Variants in PLEC observed in about 807,000 individuals in gnomAD.
The protein encoded by PLEC is hemidesmosomal protein 1.
Under a neutral mutation model 392.8 loss-of-function variants are expected in PLEC, and 216 were observed. The observed-to-expected ratio is 0.55, with a 90% CI of 0.49 to 0.62. The LOEUF (loss-of-function observed/expected upper bound fraction) is 0.62, where lower values mean the gene tolerates loss of function less well. Ranked by LOEUF, PLEC falls within the 20% of genes least tolerant of loss-of-function variation. The pLI is 0.00. For missense variants in PLEC, 6,863 were observed against 6,563.4 expected, an observed-to-expected ratio of 1.05 and a Z score of -1.58; for synonymous variants, 3,621 against 2,980.6, an observed-to-expected ratio of 1.21 and a Z score of -7.00.
intron 30 of PLEC, 63 bp from the exon 31 acceptor site, chr8:143,925,947 G>T: frequency 1.3e-6 from 2 of 1,483,442 alleles, no homozygotes; most frequent in Non-Finnish European, 1.8e-6. Context: ...AGGCGCTGAC[G>T]GGGCACGCAC....
chr8:143,976,529 C>T (rs1452976071), upstream of PLEC, among the ~76,000 whole-genome samples: 1 of 152,160 alleles, frequency 6.6e-6, no homozygotes, highest in African/African-American at 2.4e-5. Context: ...ACCGCCCGTC[C>T]AGTTCCGCAG....
Position 143,917,232 on chromosome 8 carries a change from G to A in PLEC, c.12589C>T (p.Arg4197Cys), listed in dbSNP as rs568673535. 41 of 1,612,680 alleles carry A rather than the reference G, an allele frequency of 2.5e-5. No homozygotes were observed. The highest frequency in any genetic ancestry group is 1.6e-4 in the Middle Eastern group (1 of 6,084). The change falls in exon 32 of 32, where the codon CGC (arginine) becomes TGC (cysteine). Residue 4197 changes from arginine (R) to cysteine (C), a missense_variant. Arg to Cys is a radical substitution (Grantham distance 180). Coordinates refer to ENST00000345136, the MANE Select transcript of PLEC (RefSeq NM_201384.3). ...ATGTCGTACTGGCGCCCGGAGCGGC[G>A]GTCGATGATCATGGACTTGACCACG... ...DGVVKSMIID[R>C]RSGRQYDIDD... is the part of the protein sequence containing the mutation.
Position 143,932,172 on chromosome 8 carries a change from G to T in PLEC, c.2040C>A (p.Asp680Glu). The T allele has an allele frequency of 6.2e-7, 1 of 1,612,210 alleles. No individual in the cohort carries two copies. The highest frequency in any genetic ancestry group is 8.5e-7 in the Non-Finnish European group (1 of 1,179,858). Residue 680 changes from aspartate (D) to glutamate (E), a missense_variant, in exon 17 of 32, where the codon GAC becomes GAA. Asp to Glu is a conservative substitution (Grantham distance 45, BLOSUM62 2). Transcript: ENST00000345136. ...CCGGGTGGTCCTCCCGCAGCAGCCG[G>T]TCCCCAGCATTTTGGAGCTCCTTGA... is the stretch of plus-strand genomic sequence containing the variant. ...KKIKELQNAG[D>E]RLLREDHPAR... is the part of the protein sequence containing the mutation.
In PLEC at chr8:143,935,856, G is replaced by A. The variant is rs782193446; in HGVS notation, c.594C>T (p.His198=). ...CCCCCGGGGCCATGTACTTGTGCCG[G>A]TGGATGATGGCATTGAAGAGGCGGC... ...RDGRLFNAII[H]RHKPLLIDMN... is the part of the protein sequence containing the mutation. Residue 198 remains histidine (H), a synonymous_variant, in exon 6 of 32, where the codon CAC becomes CAT. Transcript: ENST00000345136. 4 of 1,612,890 alleles carry A rather than the reference G, an allele frequency of 2.5e-6. No homozygotes were observed. In the South Asian group the frequency reaches 4.4e-5, roughly 18 times the overall value.
chr8:143,918,666 C>G lies in PLEC; in HGVS notation c.11155G>C (p.Val3719Leu). The G allele has an allele frequency of 6.2e-6, 10 of 1,612,870 alleles. No individual in the cohort carries two copies. The highest frequency in any genetic ancestry group is 8.5e-6 in the Non-Finnish European group (10 of 1,179,988). Residue 3719 changes from valine to leucine, a missense_variant, in exon 32 of 32, where the codon GTG becomes CTG. Transcript: ENST00000345136. Reference protein sequence around the residue: ...ALKKGLLSAEVARLLLEAQAA... With the variant: ...ALKKGLLSAELARLLLEAQAA... The stretch of plus-strand genomic sequence containing the variant: ...TGTGCCTCCAGCAGCAGGCGGGCCA[C>G]CTCGGCACTCAGCAGCCCTTTCTTG...
At chr8:143,949,051 C>T (rs546486374) in intron 1 of PLEC, among the ~76,000 whole-genome samples, 2 of 152,346 alleles carry the variant, frequency 1.3e-5, no homozygotes, top group Middle Eastern at 3.4e-3. Context: ...AGCCTCCACC[C>T]CACAGCCTCA....
chr8:143,953,940 C>T (rs2132790827), upstream of PLEC: 2 of 1,394,328 alleles, frequency 1.4e-6, no homozygotes, highest in Non-Finnish European at 1.9e-6. Flanking sequence ...AGGGCCGCCC[C>T]GGGCGCATGC....
At position 143,923,617 on chromosome 8, in the gene PLEC, C is replaced by T. The variant is rs782048792; in HGVS notation, c.6312G>A (p.Ala2104=). ...EEARVQAERE[A]AQSRRQVEEA... ...CTTCCACCTGCCGCCGGGACTGCGC[C>T]GCCTCACGCTCCGCCTGCACCCGGG... is the stretch of plus-strand genomic sequence containing the variant. The change falls in exon 31 of 32, where the codon GCG becomes GCA. Residue 2104 remains alanine (A), a synonymous_variant. Coordinates refer to ENST00000345136, the MANE Select transcript of PLEC (RefSeq NM_201384.3). 4.9e-5 allele frequency: 78 copies of T among 1,591,126 alleles called. No individual in the cohort carries two copies. Among genetic ancestry groups the T allele is most frequent in the Admixed American group, 2.0e-4 (12 of 59,496 alleles).
intron 1 of PLEC, among the ~76,000 whole-genome samples, chr8:143,972,425 G>A (rs898234243): frequency 5.4e-4 from 82 of 152,194 alleles, no homozygotes; most frequent in African/African-American, 2.0e-3. Context: ...CGTCGCTGGA[G>A]GACGCCTGAA....
chr8:143,939,513 T>TG lies in PLEC; in HGVS notation c.-53dup. On this transcript the variant is annotated 5_prime_UTR_variant, in exon 1 of 32. Coordinates refer to ENST00000345136, the MANE Select transcript of PLEC (RefSeq NM_201384.3). Reference sequence around the variant, plus strand: ...ACCCTCGGCCTCAGGCACGGTGCTCTGGGCAGCCCCGTGTGGCACACAGGC... The same window carrying TG: ...ACCCTCGGCCTCAGGCACGGTGCTCTGGGGCAGCCCCGTGTGGCACACAGGC... The TG allele has an allele frequency of 6.4e-7, 1 of 1,572,396 alleles. No individual in the cohort carries two copies. The highest frequency in any genetic ancestry group is 8.6e-7 in the Non-Finnish European group (1 of 1,160,232).
In PLEC at chr8:143,921,994, C is replaced by G. The variant is rs1208240740; in HGVS notation, c.7827G>C (p.Leu2609=). 3 of 1,598,428 alleles carry G rather than the reference C, an allele frequency of 1.9e-6. No homozygotes were observed. The South Asian group carries it at 3.3e-5, about 18-fold the overall frequency. ...AGGCAGTGACCTCCTCTGAGTGCGCCAGCGCGGCCCGGTGCTGCTCCTCCA... is the reference window on the plus strand; with the variant it reads ...AGGCAGTGACCTCCTCTGAGTGCGCGAGCGCGGCCCGGTGCTGCTCCTCCA... The part of the protein sequence containing the change: ...QLLEEQHRAA[L]AHSEEVTASQ... Residue 2609 remains leucine, a synonymous_variant, in exon 32 of 32, where the codon CTG becomes CTC. Transcript: ENST00000345136.
At chr8:143,937,912 G>A (rs1203518687) in intron 3 of PLEC, 2 of 636,500 alleles carry the variant, frequency 3.1e-6, no homozygotes, top group African/African-American at 3.6e-5. Flanking sequence ...GCAAGGCCCA[G>A]AGCAGCCGAG....
In PLEC at chr8:143,924,453, G is replaced by A. The variant is rs200575795; in HGVS notation, c.5476C>T (p.Arg1826Trp). The A allele has an allele frequency of 4.4e-3, 6,777 of 1,554,648 alleles. 45 individuals carry two copies. The highest frequency in any genetic ancestry group is 0.014 in the South Asian group (1,178 of 85,900). ...QRQLAEEDAA[R>W]QRAEAERVLA... ...ACCCGCTCCGCCTCGGCCCGCTGCC[G>A]CGCCGCGTCTTCCTCGGCCAGCTGC... Residue 1826 changes from arginine (R) to tryptophan (W), a missense_variant, in exon 31 of 32, where the codon CGG becomes TGG. Physicochemically the swap from Arg to Trp is moderately radical, Grantham distance 101. Coordinates refer to ENST00000345136, the MANE Select transcript of PLEC (RefSeq NM_201384.3).
At chr8:143,928,496 T>G (rs1826029001) in intron 25 of PLEC, among the ~76,000 whole-genome samples, 1 of 125,234 alleles carries the variant, frequency 8.0e-6, no homozygotes, top group African/African-American at 3.1e-5. Context: ...ACTGTGCTGG[T>G]TCTGTGAGGA....
rs757589473 is a variant in PLEC, at chr8:143,916,816, G to A, written c.13005C>T (p.Ala4335=). The A allele has an allele frequency of 2.5e-5, 41 of 1,613,082 alleles. No homozygotes were observed. The highest frequency in any genetic ancestry group is 4.5e-5 in the East Asian group (2 of 44,844). Reference sequence around the variant, plus strand: ...TCTTGTCCACCAGGCCCTTGTTGACGGCGTCGGTGACAGGGAAGCGCTCAC... The same window carrying A: ...TCTTGTCCACCAGGCCCTTGTTGACAGCGTCGGTGACAGGGAAGCGCTCAC... ...STGERFPVTD[A]VNKGLVDKIM... Residue 4335 remains alanine (A), a synonymous_variant, in exon 32 of 32, where the codon GCC becomes GCT. Coordinates refer to ENST00000345136, the MANE Select transcript of PLEC (RefSeq NM_201384.3).
At position 143,924,332 on chromosome 8, in the gene PLEC, A is replaced by C; in HGVS notation, c.5597T>G (p.Leu1866Arg). Residue 1866 changes from leucine to arginine, a missense_variant, in exon 31 of 32, where the codon CTG becomes CGG. By Grantham distance (102) the Leu-to-Arg change is moderately radical (BLOSUM62 -2). Coordinates refer to ENST00000345136, the MANE Select transcript of PLEC (RefSeq NM_201384.3). ...LKEKEAENER[L>R]RRLAEDEAFQ... Reference sequence around the variant, plus strand: ...GGCCTCGTCCTCCGCCAGCCGCCGCAGGCGCTCGTTCTCCGCCTCCTTCTC... The same window carrying C: ...GGCCTCGTCCTCCGCCAGCCGCCGCCGGCGCTCGTTCTCCGCCTCCTTCTC... 1 of 1,596,456 alleles carries C rather than the reference A, an allele frequency of 6.3e-7. No individual in the cohort carries two copies. Among genetic ancestry groups the C allele is most frequent in the Non-Finnish European group, 8.5e-7 (1 of 1,178,552 alleles).
Position 143,919,220 on chromosome 8 carries a change from G to T in PLEC, c.10601C>A (p.Pro3534His). Residue 3534 changes from proline to histidine, a missense_variant, in exon 32 of 32, where the codon CCC (proline) becomes CAC (histidine). Transcript: ENST00000345136. ...RQLLERCVED[P>H]ETGLRLLPLK... ...TGGCAGAAGGCGCAAGCCCGTCTCG[G>T]GGTCCTCCACGCACCGCTCCAGCAG... The T allele has an allele frequency of 6.2e-7, 1 of 1,613,856 alleles. No individual in the cohort carries two copies. The highest frequency in any genetic ancestry group is 8.5e-7 in the Non-Finnish European group (1 of 1,180,032).
At position 143,916,382 on chromosome 8, in the gene PLEC, A is replaced by G. The variant is rs1820556580; in HGVS notation, c.13439T>C (p.Val4480Ala). 1 of 1,610,688 alleles carries G rather than the reference A, an allele frequency of 6.2e-7. No individual in the cohort carries two copies. Among genetic ancestry groups the G allele is most frequent in the East Asian group, 2.2e-5 (1 of 44,808 alleles). Residue 4480 changes from valine (V) to alanine (A), a missense_variant, in exon 32 of 32, where the codon GTC becomes GCC. Val to Ala is a moderately conservative substitution (Grantham distance 64, BLOSUM62 0). Transcript: ENST00000345136. ...STKGYYSPYS[V>A]SGSGSTAGSR... ...GCCAGCGGTAGAGCCGGAGCCGCTG[A>G]CGCTGTAGGGGCTGTAGTAGCCCTT...
chr8:143,934,673 C>G lies in PLEC; in HGVS notation c.1003G>C (p.Asp335His), dbSNP rs367862127. 2.5e-6 allele frequency: 4 copies of G among 1,613,006 alleles called. No homozygotes were observed. The highest frequency in any genetic ancestry group is 2.7e-5 in the African/African-American group (2 of 74,916). The change falls in exon 10 of 32, where the codon GAC (aspartate) becomes CAC (histidine). Residue 335 changes from aspartate to histidine, a missense_variant. Transcript: ENST00000345136. ...KEMELPAKEADKNRSKGIYQS... is the reference protein window; with the variant it reads ...KEMELPAKEAHKNRSKGIYQS... ...TAGATGCCCTTGGACCTGTTCTTGT[C>G]GGCCTCCTTGGCTGGTAGCTCCATC...
Sources: allele counts gnomAD v4.1 joint callset (sites outside exome capture counted in the v4.1 genomes callset), GRCh38; gene constraint gnomAD v4.1.1; transcripts MANE v1.5; gene names NCBI Gene and HGNC (gene_info 2026-07-23, HGNC 2026-07-21).